The following RICTOR variants were observed in gnomAD, a reference collection of about 807,000 sequenced individuals.
The protein encoded by RICTOR is rapamycin-insensitive companion of mTOR.
RICTOR carries 49 observed loss-of-function variants against 214.9 expected under a neutral mutation model. That is an observed-to-expected ratio of 0.23 (90% CI 0.18 to 0.29). The LOEUF (loss-of-function observed/expected upper bound fraction) is 0.29, where lower values mean the gene tolerates loss of function less well. Among genes scored for constraint, RICTOR ranks in the 10% least tolerant of loss-of-function variants. The probability of loss-of-function intolerance (pLI) is 1.00; values close to 1 mark genes in which losing one functional copy is unlikely to be tolerated. For synonymous variants in RICTOR, 717 were observed against 711.3 expected (o/e 1.01, Z -0.13); for missense variants, 1,625 against 2,047.0 (o/e 0.79, Z 3.98).
chr5:39,020,327 C>T (rs558647924), intron 3 of RICTOR, among the ~76,000 whole-genome samples: 85 of 152,248 alleles, frequency 5.6e-4, no homozygotes, highest in Non-Finnish European at 1.0e-3. Context: ...AGAAATCTTT[C>T]GTGACAGGAA....
chr5:39,058,197 CA>C (rs998041326), intron 2 of RICTOR, among the ~76,000 whole-genome samples: 28 of 151,622 alleles, frequency 1.8e-4, no homozygotes, highest in African/African-American at 6.8e-4. Context: ...CTGAAAACAA[CA>C]AAAAAATCTA....
Position 39,016,818 on chromosome 5 carries a change from T to C in RICTOR, c.195+4221A>G, listed in dbSNP as rs552577844. Among the ~76,000 whole-genome samples, 8 of 152,300 alleles carry C rather than the reference T, an allele frequency of 5.3e-5. No homozygotes were observed. In the South Asian group the frequency reaches 1.7e-3, roughly 32 times the overall value. ...CAAGTGACTATGAGCACTGGAAATG[T>C]AGTTAGTCTTAATTGAAGTTTGTTG... On this transcript the variant is annotated intron_variant, in intron 3 of 37. Coordinates refer to ENST00000357387, the MANE Select transcript of RICTOR (RefSeq NM_152756.5).
chr5:39,030,521 A>G (rs866638952), intron 2 of RICTOR, among the ~76,000 whole-genome samples: 4 of 152,086 alleles, frequency 2.6e-5, no homozygotes, highest in South Asian at 4.1e-4. Context: ...ATGAGATGTC[A>G]TTTACTCTAG....
At chr5:39,045,471 T>C (rs902953016) in intron 2 of RICTOR, among the ~76,000 whole-genome samples, 1 of 152,206 alleles carries the variant, frequency 6.6e-6, no homozygotes, top group Non-Finnish European at 1.5e-5. Context: ...TGTCTTAGTC[T>C]GTTATATTTT....
At chr5:38,988,877 T>G (rs1248658511) in intron 7 of RICTOR, among the ~76,000 whole-genome samples, 1 of 152,104 alleles carries the variant, frequency 6.6e-6, no homozygotes, top group Non-Finnish European at 1.5e-5. Flanking sequence ...CACAAACAAA[T>G]GGAAGAACAT....
At chr5:38,999,716 G>A (rs557473596) in intron 5 of RICTOR, among the ~76,000 whole-genome samples, 85 of 152,110 alleles carry the variant, frequency 5.6e-4, no homozygotes, top group African/African-American at 1.8e-3. Context: ...AGCTAGTAAT[G>A]AGACAACAAA....
At chr5:38,999,192 T>C (rs1580057575) in intron 5 of RICTOR, among the ~76,000 whole-genome samples, 1 of 150,704 alleles carries the variant, frequency 6.6e-6, no homozygotes, top group Non-Finnish European at 1.5e-5. Flanking sequence ...CAACAAAACG[T>C]TGAAAAATAC....
rs941274219 is a variant in RICTOR at position 38,939,562 on chromosome 5, A to T, written c.*2742T>A. The T allele has an allele frequency of 4.3e-6, 1 of 231,972 alleles. No individual in the cohort carries two copies. 14.4% of individuals were successfully genotyped at this position (231,972 alleles called of 1,614,324 possible). On this transcript the variant is annotated 3_prime_UTR_variant, in exon 38 of 38. Coordinates refer to ENST00000357387, the MANE Select transcript of RICTOR (RefSeq NM_152756.5). The stretch of plus-strand genomic sequence containing the variant: ...ATTTCTAATTTCCTTATTTATCAGT[A>T]TTTACTTAGTATGTGAGGCTGAAAT...
At chr5:39,007,472 G>A (rs1754171793) in intron 3 of RICTOR, among the ~76,000 whole-genome samples, 1 of 152,062 alleles carries the variant, frequency 6.6e-6, no homozygotes. Context: ...CTGAGGTATT[G>A]GAGGTTAGAA....
At chr5:38,967,775 T>C (rs999382907) in intron 12 of RICTOR, among the ~76,000 whole-genome samples, 168 bp downstream of exon 12, 1 of 152,340 alleles carries the variant, frequency 6.6e-6, no homozygotes. Flanking sequence ...TTAAAATTTC[T>C]CAGTCTTAGG....
chr5:39,027,741 A>C (rs1260138155), intron 2 of RICTOR, among the ~76,000 whole-genome samples: 1 of 152,206 alleles, frequency 6.6e-6, no homozygotes, highest in South Asian at 2.1e-4. Context: ...TTTACATATC[A>C]GTGTTAAATA....
Position 38,945,740 on chromosome 5 carries a change from TATAAAAC to T in RICTOR, c.4400-23_4400-17del. On this transcript the variant is annotated splice_polypyrimidine_tract_variant and intron_variant, in intron 33 of 37. Coordinates refer to ENST00000357387, the MANE Select transcript of RICTOR (RefSeq NM_152756.5). ...GATGGAAGACCTGTGCATAAGTAAA[TATAAAAC>T]ATAATCCAATAAAGATAATACTTTT... is the stretch of plus-strand genomic sequence containing the variant. The T allele has an allele frequency of 7.6e-7, 1 of 1,315,094 alleles. No homozygotes were observed. The highest frequency in any genetic ancestry group is 1.2e-5 in the South Asian group (1 of 82,468). The allele number at this position is 1,315,094 out of a possible 1,614,324, so 81.5% of individuals were successfully genotyped here.
chr5:39,051,752 C>CA (rs34743371), intron 2 of RICTOR, among the ~76,000 whole-genome samples: 60,323 of 147,488 alleles, frequency 0.41, 12,263 homozygotes, highest in East Asian at 0.6. Flanking sequence ...GACTCTGTCT[C>CA]AAAAAAAAAA....
chr5:38,982,145 C>G, intron 7 of RICTOR, 109 bp from the exon 8 acceptor site: 1 of 712,078 alleles, frequency 1.4e-6, no homozygotes, highest in South Asian at 1.9e-5. Context: ...CTTTCTAATA[C>G]CAACATTTAT....
intron 2 of RICTOR, among the ~76,000 whole-genome samples, chr5:39,036,251 C>T (rs1223048870): frequency 2.0e-5 from 3 of 152,296 alleles, no homozygotes; most frequent in Middle Eastern, 3.4e-3. Context: ...AAATACTTTA[C>T]AGACAAGCAA....
At chr5:39,052,667 G>T (rs35850677) in intron 2 of RICTOR, among the ~76,000 whole-genome samples, 178 of 152,296 alleles carry the variant, frequency 1.2e-3, no homozygotes, top group South Asian at 4.3e-3. Context: ...GGATCCTGGG[G>T]AAGATTACTG....
intron 2 of RICTOR, among the ~76,000 whole-genome samples, chr5:39,065,959 C>T (rs1376501613): frequency 2.0e-5 from 3 of 152,254 alleles, no homozygotes; most frequent in Non-Finnish European, 4.4e-5. Context: ...ATCTACCATT[C>T]TGTGGTCTGG....
At chr5:38,987,853 A>T (rs538634617) in intron 7 of RICTOR, among the ~76,000 whole-genome samples, 130 of 152,188 alleles carry the variant, frequency 8.5e-4, no homozygotes, top group Non-Finnish European at 1.6e-3. Flanking sequence ...AGTGCTATAA[A>T]TTTCCCTCTA....
intron 2 of RICTOR, among the ~76,000 whole-genome samples, chr5:39,062,498 T>TG (rs765974473): frequency 6.6e-6 from 1 of 151,644 alleles, no homozygotes; most frequent in South Asian, 2.1e-4. Flanking sequence ...GAATTATGAG[T>TG]GAAAAAAAGT....
Sources: gnomAD v4.1 joint callset for allele counts (sites outside exome capture counted in the v4.1 genomes callset) on GRCh38, gnomAD v4.1.1 for gene constraint, MANE v1.5 for transcripts, NCBI Gene and HGNC (gene_info 2026-07-23, HGNC 2026-07-21) for gene names.